RASD2: variants seen among roughly 807,000 people sequenced by gnomAD.
The protein encoded by RASD2 is RASD family member 2.
In RASD2, 7 loss-of-function variants were observed where a neutral mutation model predicts 15.8. The observed-to-expected ratio is 0.44, with a 90% CI of 0.25 to 0.83. RASD2 has a LOEUF of 0.83. Among genes scored for constraint, RASD2 ranks in the 40% least tolerant of loss-of-function variants. The pLI, the probability that RASD2 is intolerant of heterozygous loss-of-function variation, is 0.20. For missense variants in RASD2, 274 were observed against 382.8 expected (o/e 0.72, Z 2.37); for synonymous variants, 155 against 153.6 (o/e 1.01, Z -0.07).
At position 35,552,081 on chromosome 22, in the gene RASD2, C is replaced by T. The variant is rs1934686416; in HGVS notation, c.*49C>T. 6.4e-7 allele frequency: 1 copy of T among 1,550,690 alleles called. No homozygotes were observed. Among genetic ancestry groups the T allele is most frequent in the Non-Finnish European group, 8.7e-7 (1 of 1,149,782 alleles). ...TGGCCAGTGCCTTCAGGGAGGTGGC[C>T]CCAGATGCCCACTGTGCGCATCTCC... is the stretch of plus-strand genomic sequence containing the variant. On this transcript the variant is annotated 3_prime_UTR_variant, in exon 3 of 3. Transcript: ENST00000216127.
intron 1 of RASD2, among the ~76,000 whole-genome samples, chr22:35,543,929 C>A (rs1388239929): frequency 1.3e-5 from 2 of 150,864 alleles, no homozygotes; most frequent in Non-Finnish European, 3.0e-5. Context: ...TGACTCTCTG[C>A]CTCCTCTCTC....
In RASD2 at chr22:35,547,067, G is replaced by A. The variant is rs1257657170; in HGVS notation, c.258G>A (p.Leu86=). Residue 86 remains leucine (L), a synonymous_variant, in exon 2 of 3, where the codon CTG becomes CTA. Transcript: ENST00000216127. ...ACCCCTTCCCCGCCATGCGCAGGCT[G>A]TCCATCCTCACAGGTGAGGCCCACT... The part of the protein sequence containing the change: ...GNHPFPAMRR[L]SILTGDVFIL... The A allele has an allele frequency of 6.2e-7, 1 of 1,613,210 alleles. No individual in the cohort carries two copies. Among genetic ancestry groups the A allele is most frequent in the Non-Finnish European group, 8.5e-7 (1 of 1,179,472 alleles).
chr22:35,550,567 CCT>C (rs1168091128), intron 2 of RASD2, among the ~76,000 whole-genome samples: 1 of 152,172 alleles, frequency 6.6e-6, no homozygotes, highest in Non-Finnish European at 1.5e-5. Context: ...CACAGCAGCC[CCT>C]GTTTCAGATT....
At chr22:35,546,742 A>G (rs1486244349) in intron 1 of RASD2, 59 bp from the exon 2 acceptor site, 12 of 1,568,740 alleles carry the variant, frequency 7.6e-6, no homozygotes, top group Non-Finnish European at 1.0e-5. Flanking sequence ...GAGGAGGCCA[A>G]GAGGTGGTGG....
rs138986754 is a variant in RASD2, at chr22:35,552,855, C to T, written c.*823C>T. On this transcript the variant is annotated 3_prime_UTR_variant, in exon 3 of 3. Transcript: ENST00000216127. ...CACGGCCTCCACCCGGGACGCCTTC[C>T]TCCTCTGCTCCCAAACAGGGTTTCC... The T allele has an allele frequency of 5.9e-5, 9 of 152,904 alleles. No individual in the cohort carries two copies. The highest frequency in any genetic ancestry group is 2.2e-4 in the African/African-American group (9 of 41,554). The allele number at this position is 152,904 out of a possible 1,614,324, so 9.5% of individuals were successfully genotyped here.
Position 35,551,933 on chromosome 22 carries a change from C to G in RASD2, c.702C>G (p.Phe234Leu). ...ACGCCTATGGCATGGTCTCGCCCTT[C>G]GCCCGCCGCCCCAGCGTCAACAGTG... The part of the protein sequence containing the change: ...EMDAYGMVSP[F>L]ARRPSVNSDL... Residue 234 changes from phenylalanine to leucine, a missense_variant, in exon 3 of 3, where the codon TTC becomes TTG. Physicochemically the swap from Phe to Leu is conservative, Grantham distance 22. Transcript: ENST00000216127. The surrounding 1 kb of genome is among the most constrained non-coding windows in gnomAD (Gnocchi z 4.9). 6.2e-7 allele frequency: 1 copy of G among 1,608,474 alleles called. No individual in the cohort carries two copies.
chr22:35,535,168 C>T, the RASD2 span, among the ~76,000 whole-genome samples: 2 of 152,166 alleles, frequency 1.3e-5, no homozygotes, highest in South Asian at 4.1e-4. Context: ...CATTGGGAGG[C>T]AGAGGCAGGA....
chr22:35,542,937 G>A (rs1035909119), intron 1 of RASD2, among the ~76,000 whole-genome samples: 2 of 152,146 alleles, frequency 1.3e-5, no homozygotes, highest in Non-Finnish European at 1.5e-5. Context: ...AGTATGTCTC[G>A]GCGTCATCCC....
the RASD2 span, among the ~76,000 whole-genome samples, chr22:35,533,899 GGAT>G: frequency 5.1e-4 from 61 of 120,520 alleles, no homozygotes; most frequent in South Asian, 0.012. Context: ...GTGATGACGG[GGAT>G]GATGATGAGA....
chr22:35,540,243 C>A (rs569592616), upstream of RASD2, among the ~76,000 whole-genome samples: 30 of 152,158 alleles, frequency 2.0e-4, no homozygotes, highest in Middle Eastern at 6.8e-3. Context: ...TCACCTGCGG[C>A]CAGGCCGGGC....
chr22:35,547,345 C>G (rs1934534458), intron 2 of RASD2, among the ~76,000 whole-genome samples: 1 of 152,236 alleles, frequency 6.6e-6, no homozygotes, highest in Non-Finnish European at 1.5e-5. Flanking sequence ...CCAGCATGCC[C>G]CAGGGATATT....
chr22:35,533,717 G>GATGATGCTGATGACA, the RASD2 span, among the ~76,000 whole-genome samples: 2 of 151,352 alleles, frequency 1.3e-5, no homozygotes, highest in Admixed American at 6.6e-5. Flanking sequence ...TGATGGTGAT[G>GATGATGCTGATGACA]GTGATGATGA....
At chr22:35,533,549 G>A in the RASD2 span, among the ~76,000 whole-genome samples, 1 of 114,660 alleles carries the variant, frequency 8.7e-6, no homozygotes, top group African/African-American at 3.3e-5. Context: ...TGGTGGTGAT[G>A]GTGATGATGA....
At chr22:35,533,265 G>C in the RASD2 span, among the ~76,000 whole-genome samples, 1 of 152,198 alleles carries the variant, frequency 6.6e-6, no homozygotes, top group African/African-American at 2.4e-5. Context: ...GTGTTTCCCA[G>C]GGCTGTTGGA....
intron 1 of RASD2, 70 bp from the exon 2 acceptor site, chr22:35,546,731 A>G: frequency 1.3e-6 from 2 of 1,547,160 alleles, no homozygotes. Context: ...ACAGAGGCCT[A>G]GAGGAGGCCA....
At chr22:35,538,524 A>T (rs965801418), upstream of RASD2, among the ~76,000 whole-genome samples, 3 of 152,198 alleles carry the variant, frequency 2.0e-5, no homozygotes, top group African/African-American at 7.2e-5. Flanking sequence ...CTTGGGCATC[A>T]GTTGATCCCT....
At chr22:35,537,679 A>G (rs1934262467), upstream of RASD2, among the ~76,000 whole-genome samples, 1 of 152,212 alleles carries the variant, frequency 6.6e-6, no homozygotes, top group Admixed American at 6.5e-5. Context: ...ACCATTAGAA[A>G]GGCTGGGAGT....
In RASD2 at chr22:35,551,591, G is replaced by A. The variant is rs1934665024; in HGVS notation, c.360G>A (p.Lys120=). 1 of 1,614,156 alleles carries A rather than the reference G, an allele frequency of 6.2e-7. No individual in the cohort carries two copies. Among genetic ancestry groups the A allele is most frequent in the Non-Finnish European group, 8.5e-7 (1 of 1,180,026 alleles). Residue 120 remains lysine (K), a synonymous_variant, in exon 3 of 3, where the codon AAG becomes AAA. Transcript: ENST00000216127. The surrounding 1 kb of genome is among the most constrained non-coding windows in gnomAD (Gnocchi z 4.9). ...KRLQKQILEV[K]SCLKNKTKEA... ...TTCAGAAGCAGATCCTGGAGGTCAAGTCCTGCCTGAAGAACAAGACCAAGG... is the reference window on the plus strand; with the variant it reads ...TTCAGAAGCAGATCCTGGAGGTCAAATCCTGCCTGAAGAACAAGACCAAGG...
chr22:35,547,116 G>T, intron 2 of RASD2, 36 bp downstream of exon 2: 1 of 1,590,460 alleles, frequency 6.3e-7, no homozygotes. Flanking sequence ...GGGCGGCAGG[G>T]CCAGGGCATG....
Sources: gnomAD v4.1 joint callset for allele counts (sites outside exome capture counted in the v4.1 genomes callset) on GRCh38, gnomAD v4.1.1 for gene constraint, Gnocchi (gnomAD v3.1) non-coding constraint, MANE v1.5 for transcripts, NCBI Gene and HGNC (gene_info 2026-07-23, HGNC 2026-07-21) for gene names.